Variants in BEND5 observed in about 807,000 individuals in gnomAD.
The protein encoded by BEND5 is BEN domain-containing protein 5.
In BEND5, 22 loss-of-function variants were observed where a neutral mutation model predicts 43.9. That is an observed-to-expected ratio of 0.50 (90% confidence interval 0.36 to 0.72). BEND5 has a LOEUF of 0.72. Ranked by LOEUF, BEND5 falls within the 30% of genes least tolerant of loss-of-function variation. The pLI, the probability that BEND5 is intolerant of heterozygous loss-of-function variation, is 0.00. For missense variants in BEND5, 428 were observed against 550.6 expected, an observed-to-expected ratio of 0.78 and a Z score of 2.23; for synonymous variants, 228 against 225.9, an observed-to-expected ratio of 1.01 and a Z score of -0.08.
chr1:48,760,231 T>C (rs1644182761), intron 2 of BEND5, among the ~76,000 whole-genome samples: 1 of 152,202 alleles, frequency 6.6e-6, no homozygotes, highest in Non-Finnish European at 1.5e-5. Context: ...CTCAAGTAGC[T>C]ACAGCTTCTA....
intron 5 of BEND5, among the ~76,000 whole-genome samples, chr1:48,734,252 C>T (rs1252830977): frequency 1.3e-5 from 2 of 152,192 alleles, no homozygotes; most frequent in African/African-American, 2.4e-5. Flanking sequence ...AGACCAGAGT[C>T]GGCGGGTGTG....
intron 3 of BEND5, among the ~76,000 whole-genome samples, chr1:48,748,260 T>C (rs1651077864): frequency 6.6e-6 from 1 of 152,182 alleles, no homozygotes; most frequent in Non-Finnish European, 1.5e-5. Context: ...CTCTCAGAAG[T>C]CATCAGCTGC....
chr1:48,748,606 G>A (rs1342318186), intron 3 of BEND5, among the ~76,000 whole-genome samples: 2 of 152,202 alleles, frequency 1.3e-5, no homozygotes, highest in Admixed American at 1.3e-4. Context: ...CTTGTTGGGT[G>A]TGTGACCCTA....
At chr1:48,746,110 T>C (rs1446649903) in intron 3 of BEND5, among the ~76,000 whole-genome samples, 1 of 152,160 alleles carries the variant, frequency 6.6e-6, no homozygotes. Flanking sequence ...TCTTGTTGTG[T>C]CACCTGAAAG....
intron 3 of BEND5, among the ~76,000 whole-genome samples, chr1:48,750,698 C>T (rs1332317343): frequency 2.0e-5 from 3 of 152,234 alleles, no homozygotes; most frequent in Admixed American, 6.5e-5. Flanking sequence ...CATTTCCCTA[C>T]GGTCAGAGCT....
chr1:48,776,548 C>T (rs987633746), intron 1 of BEND5, 58 bp downstream of exon 1: 3 of 1,274,594 alleles, frequency 2.4e-6, no homozygotes, highest in African/African-American at 1.6e-5. Context: ...CCCCCGGCCC[C>T]TCCCGGGGTC....
chr1:48,735,792 A>G (rs1251468941), intron 5 of BEND5, among the ~76,000 whole-genome samples: 2 of 151,902 alleles, frequency 1.3e-5, no homozygotes, highest in African/African-American at 4.8e-5. Flanking sequence ...CTCTGGGTAC[A>G]CAGCAGCATT....
chr1:48,769,229 G>A (rs1481602832), intron 1 of BEND5, among the ~76,000 whole-genome samples: 3 of 152,148 alleles, frequency 2.0e-5, no homozygotes, highest in Non-Finnish European at 4.4e-5. Flanking sequence ...GGGCATGTTT[G>A]AAGAAATGCC....
intron 3 of BEND5, among the ~76,000 whole-genome samples, chr1:48,753,864 A>T (rs1394706257): frequency 6.6e-6 from 1 of 152,322 alleles, no homozygotes; most frequent in East Asian, 1.9e-4. Flanking sequence ...GTTAGAATTC[A>T]TCATTTTTGC....
At chr1:48,729,327 A>G (rs1320652483) in intron 5 of BEND5, among the ~76,000 whole-genome samples, 1 of 152,198 alleles carries the variant, frequency 6.6e-6, no homozygotes, top group Non-Finnish European at 1.5e-5. Context: ...AGGGAACACA[A>G]ATATTCTGGA....
intron 1 of BEND5, among the ~76,000 whole-genome samples, chr1:48,766,423 T>C (rs935335274): frequency 6.6e-6 from 1 of 152,118 alleles, no homozygotes; most frequent in African/African-American, 2.4e-5. Context: ...ACATCTAAAT[T>C]CCCCAGCCTA....
At chr1:48,763,865 G>A (rs891643934) in intron 1 of BEND5, among the ~76,000 whole-genome samples, 1 of 152,212 alleles carries the variant, frequency 6.6e-6, no homozygotes, top group African/African-American at 2.4e-5. Context: ...TAGGAATACA[G>A]GAGGGGCAGG....
chr1:48,737,999 GGTC>G (rs1440240890), intron 4 of BEND5, among the ~76,000 whole-genome samples: 1 of 152,120 alleles, frequency 6.6e-6, no homozygotes, highest in Non-Finnish European at 1.5e-5. Context: ...TCTCTGGAGA[GGTC>G]CCTGGTCTAA....
intron 1 of BEND5, among the ~76,000 whole-genome samples, chr1:48,769,111 A>C (rs1644676856): frequency 6.6e-6 from 1 of 152,224 alleles, no homozygotes; most frequent in Admixed American, 6.5e-5. Context: ...AAACCTTAAC[A>C]GATCCATCCA....
At chr1:48,751,965 G>C (rs898947522) in intron 3 of BEND5, among the ~76,000 whole-genome samples, 4 of 152,166 alleles carry the variant, frequency 2.6e-5, no homozygotes, top group African/African-American at 9.7e-5. Context: ...TTCAAAAAAA[G>C]TCCTTCAAAG....
chr1:48,758,862 C>T, intron 3 of BEND5, 38 bp downstream of exon 3: 1 of 1,462,600 alleles, frequency 6.8e-7, no homozygotes. Context: ...AAGTATTTCA[C>T]CCAAGTGGAG....
chr1:48,741,506 G>GGCCCA (rs1482265420), intron 4 of BEND5, among the ~76,000 whole-genome samples: 2 of 152,230 alleles, frequency 1.3e-5, no homozygotes, highest in Non-Finnish European at 2.9e-5. Context: ...CCTGTGGCCT[G>GGCCCA]GCCCATCAGC....
At chr1:48,755,813 A>G (rs1469154636) in intron 3 of BEND5, among the ~76,000 whole-genome samples, 2 of 152,180 alleles carry the variant, frequency 1.3e-5, no homozygotes, top group Non-Finnish European at 2.9e-5. Flanking sequence ...CAATGTCTTA[A>G]TCTTCTTTGT....
At chr1:48,744,541 G>T (rs1312291693) in intron 3 of BEND5, among the ~76,000 whole-genome samples, 2 of 152,092 alleles carry the variant, frequency 1.3e-5, no homozygotes, top group East Asian at 1.9e-4. Context: ...GTCCATGAAA[G>T]GCACTCACTC....
Sources: gnomAD v4.1 joint callset for allele counts (sites outside exome capture counted in the v4.1 genomes callset) on GRCh38, gnomAD v4.1.1 for gene constraint, MANE v1.5 for transcripts, NCBI Gene and HGNC (gene_info 2026-07-23, HGNC 2026-07-21) for gene names.